Variants in DDX60L observed in about 807,000 individuals in gnomAD.
The protein encoded by DDX60L is probable ATP-dependent RNA helicase DDX60-like.
Under a neutral mutation model 211.6 loss-of-function variants are expected in DDX60L, and 191 were observed. The ratio of observed to expected loss-of-function variants is 0.90; its 90% confidence interval spans 0.80 to 1.02. The LOEUF is 1.02. DDX60L is among the 50% of genes least tolerant of loss of function. The probability of loss-of-function intolerance (pLI) is 0.00; values close to 1 mark genes in which losing one functional copy is unlikely to be tolerated. For synonymous variants in DDX60L, 706 were observed against 694.1 expected, an observed-to-expected ratio of 1.02 and a Z score of -0.27; for missense variants, 2,007 against 1,984.1, an observed-to-expected ratio of 1.01 and a Z score of -0.22.
At chr4:168,406,840 T>A in intron 22 of DDX60L, 134 bp from the exon 23 acceptor site, 1 of 647,488 alleles carries the variant, frequency 1.5e-6, no homozygotes, top group Non-Finnish European at 2.6e-6. Context: ...CAATCAACTG[T>A]AATATTTCAC....
At position 168,433,075 on chromosome 4, in the gene DDX60L, T is replaced by C. The variant is rs369958429; in HGVS notation, c.1335A>G (p.Pro445=). Residue 445 remains proline (P), a synonymous_variant, in exon 11 of 38, where the codon CCA becomes CCG. Coordinates refer to ENST00000682922, the MANE Select transcript of DDX60L (RefSeq NM_001012967.3). The stretch of plus-strand genomic sequence containing the variant: ...ACTCATCAATTACAGCAGATGTCAT[T>C]GGAATAAAGCCCACACTAGGCATCT... ...LEKMPSVGFI[P]MTSAVIDEFV... The C allele has an allele frequency of 2.4e-5, 38 of 1,609,430 alleles. 1 individual carries two copies. In the African/African-American group the frequency reaches 4.9e-4, roughly 21 times the overall value.
Position 168,472,724 on chromosome 4 carries a change from G to A in DDX60L, c.-25C>T, listed in dbSNP as rs1451798936. ...TCGTTGCTGCTTCTTGGGCTACAGG[G>A]TAGAAGAGTAGAGCTGGAATTTATT... On this transcript the variant is annotated 5_prime_UTR_variant, in exon 2 of 38. Coordinates refer to ENST00000682922, the MANE Select transcript of DDX60L (RefSeq NM_001012967.3). 6.2e-7 allele frequency: 1 copy of A among 1,611,382 alleles called. No homozygotes were observed. The highest frequency in any genetic ancestry group is 2.2e-5 in the East Asian group (1 of 44,834).
intron 7 of DDX60L, among the ~76,000 whole-genome samples, chr4:168,455,500 C>A (rs1431019854): frequency 1.3e-5 from 2 of 152,240 alleles, no homozygotes; most frequent in East Asian, 3.9e-4. Context: ...GTGGAGCCAA[C>A]CATCCTAGTC....
intron 30 of DDX60L, among the ~76,000 whole-genome samples, chr4:168,382,942 G>A (rs1447388280): frequency 6.6e-6 from 1 of 152,112 alleles, no homozygotes; most frequent in Admixed American, 6.6e-5. Context: ...ACTACTCATC[G>A]AATATGATGC....
Position 168,406,586 on chromosome 4 carries a change from A to G in DDX60L, c.3084+16T>C, listed in dbSNP as rs979526212. 1.9e-6 allele frequency: 3 copies of G among 1,539,194 alleles called. No individual in the cohort carries two copies. The highest frequency in any genetic ancestry group is 1.8e-6 in the Non-Finnish European group (2 of 1,130,884). Reference sequence around the variant, plus strand: ...AACTAAAGTTCATTTTGGTGAATATATATTTCTATATTTACCTGAGCCCTG... The same window carrying G: ...AACTAAAGTTCATTTTGGTGAATATGTATTTCTATATTTACCTGAGCCCTG... On this transcript the variant is annotated intron_variant, in intron 23 of 37. Transcript: ENST00000682922.
At position 168,456,032 on chromosome 4, in the gene DDX60L, T is replaced by C; in HGVS notation, c.837+7A>G. 1.9e-6 allele frequency: 3 copies of C among 1,567,436 alleles called. No homozygotes were observed. The highest frequency in any genetic ancestry group is 2.6e-6 in the Non-Finnish European group (3 of 1,157,266). On this transcript the variant is annotated splice_region_variant and intron_variant, in intron 7 of 37. Coordinates refer to ENST00000682922, the MANE Select transcript of DDX60L (RefSeq NM_001012967.3). Reference sequence around the variant, plus strand: ...TTCTGCCTGGCGGCTGTGTTCTTTTTACTTACTAAGACACGATGGTACATT... The same window carrying C: ...TTCTGCCTGGCGGCTGTGTTCTTTTCACTTACTAAGACACGATGGTACATT...
chr4:168,437,546 T>C (rs1348158585), intron 10 of DDX60L, among the ~76,000 whole-genome samples: 1 of 152,086 alleles, frequency 6.6e-6, no homozygotes, highest in Non-Finnish European at 1.5e-5. Flanking sequence ...TAAGACTGAG[T>C]TCTGAGCCAC....
intron 29 of DDX60L, among the ~76,000 whole-genome samples, chr4:168,385,594 G>C (rs1743727588): frequency 6.6e-6 from 1 of 152,086 alleles, no homozygotes; most frequent in Non-Finnish European, 1.5e-5. Context: ...AGGCAGTCTT[G>C]GGGACTGAGC....
At chr4:168,380,057 C>G (rs1387329) in intron 30 of DDX60L, 1 of 372,292 alleles carries the variant, frequency 2.7e-6, no homozygotes, top group African/African-American at 2.1e-5. Flanking sequence ...ATAACCCAGA[C>G]TGGCAAATAA....
At position 168,419,417 on chromosome 4, in the gene DDX60L, G is replaced by A; in HGVS notation, c.2515-20C>T. ...AAGTACCTACAAATATGAATGATTA[G>A]TGTAGCTAACTTTATGGAGCATTAA... On this transcript the variant is annotated intron_variant, in intron 18 of 37. Transcript: ENST00000682922. The A allele has an allele frequency of 6.5e-7, 1 of 1,534,242 alleles. No homozygotes were observed. The highest frequency in any genetic ancestry group is 8.8e-7 in the Non-Finnish European group (1 of 1,130,240).
At chr4:168,432,859 T>A in intron 11 of DDX60L, 151 bp downstream of exon 11, 1 of 489,174 alleles carries the variant, frequency 2.0e-6, no homozygotes. Context: ...ACATACTAGA[T>A]GTTACAATCA....
chr4:168,408,558 G>A (rs547903071), intron 22 of DDX60L, among the ~76,000 whole-genome samples: 94 of 151,914 alleles, frequency 6.2e-4, no homozygotes, highest in African/African-American at 2.0e-3. Context: ...TGGTTGTATC[G>A]GTTTGTACTT....
chr4:168,428,472 T>A (rs1395609751), intron 13 of DDX60L, among the ~76,000 whole-genome samples: 2 of 152,174 alleles, frequency 1.3e-5, no homozygotes, highest in Non-Finnish European at 2.9e-5. Flanking sequence ...TTTCTGAAAT[T>A]AGTGGGAAAG....
chr4:168,425,495 C>T (rs1035407296), intron 14 of DDX60L, among the ~76,000 whole-genome samples: 5 of 152,226 alleles, frequency 3.3e-5, no homozygotes, highest in Admixed American at 1.3e-4. Flanking sequence ...GGCACAGTGG[C>T]TCAAGCCTGT....
intron 15 of DDX60L, 28 bp downstream of exon 15, chr4:168,423,580 A>AAGAAATTCTAAAAGTAT (rs368335062): frequency 0.064 from 94,698 of 1,476,308 alleles, 3,823 homozygotes; most frequent in African/African-American, 0.18. Context: ...GTAAAAATTT[A>AAGAAATTCTAAAAGTAT]AAGTATAAGA....
intron 22 of DDX60L, among the ~76,000 whole-genome samples, chr4:168,410,870 T>C (rs1360092224): frequency 6.6e-6 from 1 of 152,180 alleles, no homozygotes; most frequent in East Asian, 1.9e-4. Flanking sequence ...GCCAATACAG[T>C]TGTGGCAGCA....
chr4:168,438,272 C>T (rs1753346734), intron 10 of DDX60L, among the ~76,000 whole-genome samples: 1 of 152,152 alleles, frequency 6.6e-6, no homozygotes, highest in South Asian at 2.1e-4. Flanking sequence ...AGATATCCTG[C>T]CTTTTGGGGC....
intron 36 of DDX60L, among the ~76,000 whole-genome samples, chr4:168,370,095 G>A (rs1484496065): frequency 1.3e-5 from 2 of 152,066 alleles, no homozygotes; most frequent in African/African-American, 4.8e-5. Flanking sequence ...AATTAAATCA[G>A]TATGTCAAAG....
At position 168,432,533 on chromosome 4, in the gene DDX60L, T is replaced by A; in HGVS notation, c.1438A>T (p.Thr480Ser). 1.3e-6 allele frequency: 2 copies of A among 1,584,470 alleles called. No homozygotes were observed. The highest frequency in any genetic ancestry group is 1.7e-6 in the Non-Finnish European group (2 of 1,162,954). The change falls in exon 12 of 38, where the codon ACA (threonine) becomes TCA (serine). Residue 480 changes from threonine (T) to serine (S), a missense_variant. Thr to Ser is a moderately conservative substitution (Grantham distance 58). Transcript: ENST00000682922. ...TGCCAGTGCAAAAGTTCATCAGATGTCTTTTGTTTAAACAGTGAAGGAACA... is the reference window on the plus strand; with the variant it reads ...TGCCAGTGCAAAAGTTCATCAGATGACTTTTGTTTAAACAGTGAAGGAACA... ...PVVPSLFKQK[T>S]SDELLHWHAQ...
Sources: gnomAD v4.1 joint callset for allele counts (sites outside exome capture counted in the v4.1 genomes callset) on GRCh38, gnomAD v4.1.1 for gene constraint, MANE v1.5 for transcripts, NCBI Gene and HGNC (gene_info 2026-07-23, HGNC 2026-07-21) for gene names.